Variants in ATP9A observed in about 807,000 individuals in gnomAD.
ATP9A encodes ATPase phospholipid transporting 9A, also known as probable phospholipid-transporting ATPase IIA.
ATP9A carries 52 observed loss-of-function variants against 144.1 expected under a neutral mutation model. The observed-to-expected ratio is 0.36, with a 90% CI of 0.29 to 0.45. ATP9A has a LOEUF of 0.45. Ranked by LOEUF, ATP9A falls within the 20% of genes least tolerant of loss-of-function variation. The pLI is 1.00. For missense variants in ATP9A, 947 were observed against 1,392.7 expected (o/e 0.68, Z 5.09); for synonymous variants, 582 against 557.4 (o/e 1.04, Z -0.62).
chr20:51,670,992 G>T, intron 12 of ATP9A, 123 bp downstream of exon 12: 1 of 1,067,984 alleles, frequency 9.4e-7, no homozygotes. Context: ...AAAAGATGAA[G>T]GGAATAAAAT....
In ATP9A at chr20:51,604,820, T is replaced by A. The variant is rs780108685; in HGVS notation, c.3004A>T (p.Ile1002Phe). The A allele has an allele frequency of 2.0e-6, 3 of 1,498,252 alleles. No individual in the cohort carries two copies. Among genetic ancestry groups the A allele is most frequent in the South Asian group, 1.4e-5 (1 of 73,950 alleles). 92.8% of individuals were successfully genotyped at this position (1,498,252 alleles called of 1,614,324 possible). A position where few individuals can be genotyped will look rare whatever the true frequency, so the allele number is the denominator to read the frequency against. Residue 1002 changes from isoleucine to phenylalanine, a missense_variant, in exon 27 of 28, where the codon ATC becomes TTC. Ile to Phe is a conservative substitution (Grantham distance 21). This residue lies in a region of ATP9A where 177 missense variants were observed against 344.9 expected (regional missense o/e 0.51). Coordinates refer to ENST00000338821, the MANE Select transcript of ATP9A (RefSeq NM_006045.3). ...TTTAAGCATTCAGGGGTCTTACCGATGAACTCGTGTAAGAACACCAGGGAG... is the reference window on the plus strand; with the variant it reads ...TTTAAGCATTCAGGGGTCTTACCGAAGAACTCGTGTAAGAACACCAGGGAG... ...IASLVFLHEF[I>F]DVYFIATLSF...
At chr20:51,670,214 A>G in intron 12 of ATP9A, 105 bp from the exon 13 acceptor site, 1 of 841,518 alleles carries the variant, frequency 1.2e-6, no homozygotes, top group South Asian at 1.5e-5. Context: ...TATGTCACAC[A>G]CTGCAGTCAG....
At chr20:51,683,430 GATTATTATTATT>G (rs141282258) in intron 9 of ATP9A, among the ~76,000 whole-genome samples, 2 of 150,722 alleles carry the variant, frequency 1.3e-5, no homozygotes, top group East Asian at 2.0e-4. Context: ...ACGCCCAGCT[GATTATTATTATT>G]ATTATTATTA....
At chr20:51,764,345 T>C (rs939668688) in intron 1 of ATP9A, among the ~76,000 whole-genome samples, 1 of 152,232 alleles carries the variant, frequency 6.6e-6, no homozygotes, top group Non-Finnish European at 1.5e-5. Flanking sequence ...CATGATGTCA[T>C]AAAATGGTTT....
At position 51,651,306 on chromosome 20, in the gene ATP9A, CATAAT is replaced by C. The variant is rs199664706; in HGVS notation, c.1506+5627_1506+5631del. 8.3e-5 allele frequency among the ~76,000 whole-genome samples: 10 copies of C among 120,314 alleles called. 2 individuals carry two copies. Among genetic ancestry groups the C allele is most frequent in the East Asian group, 6.1e-4 (3 of 4,898 alleles). The allele number at this position is 120,314 out of a possible 152,430, so 78.9% of individuals were successfully genotyped here. ...TAATATATTATATAATATATATTTA[CATAAT>C]ATATTATATAATATATATTTACATA... On this transcript the variant is annotated intron_variant, in intron 14 of 27. Coordinates refer to ENST00000338821, the MANE Select transcript of ATP9A (RefSeq NM_006045.3).
intron 14 of ATP9A, among the ~76,000 whole-genome samples, chr20:51,645,336 A>G (rs557721120): frequency 8.9e-4 from 135 of 152,256 alleles, no homozygotes; most frequent in Non-Finnish European, 1.5e-3. Flanking sequence ...CCTGGCCAAC[A>G]TGGTGAAACC....
At position 51,736,644 on chromosome 20, in the gene ATP9A, C is replaced by T. The variant is rs939258906; in HGVS notation, c.69-6666G>A. ...AGCTGGGATTACAGGCGGGAGCCACCGCGCCTGGCCCTCACATTGTAGTGA... is the reference window on the plus strand; with the variant it reads ...AGCTGGGATTACAGGCGGGAGCCACTGCGCCTGGCCCTCACATTGTAGTGA... On this transcript the variant is annotated intron_variant, in intron 1 of 27. Coordinates refer to ENST00000338821, the MANE Select transcript of ATP9A (RefSeq NM_006045.3). Among the ~76,000 whole-genome samples, 11 of 152,144 alleles carry T rather than the reference C, an allele frequency of 7.2e-5. No homozygotes were observed. In the East Asian group the frequency reaches 1.2e-3, roughly 16 times the overall value.
At chr20:51,680,225 TAAA>T (rs11478096) in intron 9 of ATP9A, among the ~76,000 whole-genome samples, 11 of 123,382 alleles carry the variant, frequency 8.9e-5, no homozygotes, top group Admixed American at 8.5e-5. Context: ...GAGACTGTCT[TAAA>T]AAAAAAAAAA....
At chr20:51,728,997 T>G (rs547369801) in intron 2 of ATP9A, among the ~76,000 whole-genome samples, 4 of 152,282 alleles carry the variant, frequency 2.6e-5, no homozygotes, top group African/African-American at 9.6e-5. Context: ...TGTCCACAGA[T>G]TTGTGTAAGT....
chr20:51,642,217 C>T (rs991584533), intron 14 of ATP9A, among the ~76,000 whole-genome samples: 7 of 151,924 alleles, frequency 4.6e-5, no homozygotes, highest in East Asian at 3.9e-4. Context: ...TGCAGTGGTG[C>T]GATCTCGGCT....
At chr20:51,761,051 C>T (rs1175432650) in intron 1 of ATP9A, among the ~76,000 whole-genome samples, 1 of 152,084 alleles carries the variant, frequency 6.6e-6, no homozygotes, top group Non-Finnish European at 1.5e-5. Context: ...AATGTAAGTC[C>T]TGAGAGTAAT....
At chr20:51,705,105 G>C (rs1282709121) in intron 4 of ATP9A, among the ~76,000 whole-genome samples, 1 of 152,082 alleles carries the variant, frequency 6.6e-6, no homozygotes, top group Admixed American at 6.6e-5. Context: ...AGTAGTACTT[G>C]GGTTTAGGAA....
chr20:51,758,242 A>G (rs189491836), intron 1 of ATP9A, among the ~76,000 whole-genome samples: 2 of 152,344 alleles, frequency 1.3e-5, no homozygotes, highest in East Asian at 3.9e-4. Flanking sequence ...GAGAAAACAG[A>G]TACTAGTTGT....
At chr20:51,673,278 G>T (rs1347299705) in intron 11 of ATP9A, among the ~76,000 whole-genome samples, 1 of 152,060 alleles carries the variant, frequency 6.6e-6, no homozygotes, top group Non-Finnish European at 1.5e-5. Context: ...GGAGGCTGAG[G>T]CAGGAGAATC....
intron 4 of ATP9A, among the ~76,000 whole-genome samples, chr20:51,703,887 T>C (rs1276091469): frequency 4.6e-5 from 7 of 151,762 alleles, no homozygotes; most frequent in Admixed American, 6.6e-5. Flanking sequence ...ACAATCTCCA[T>C]GCACTAACCC....
At chr20:51,603,987 A>G (rs150476188) in intron 27 of ATP9A, among the ~76,000 whole-genome samples, 2,170 of 151,850 alleles carry the variant, frequency 0.014, 53 homozygotes, top group African/African-American at 0.049. Context: ...CACCATGTTG[A>G]CCAGACCGGT....
intron 1 of ATP9A, among the ~76,000 whole-genome samples, chr20:51,754,273 A>G (rs962501762): frequency 1.3e-5 from 2 of 151,888 alleles, no homozygotes; most frequent in African/African-American, 4.8e-5. Flanking sequence ...AGGCCAAGGC[A>G]GGTGGATCAC....
intron 14 of ATP9A, among the ~76,000 whole-genome samples, chr20:51,653,601 C>T (rs567991320): frequency 5.9e-5 from 9 of 152,110 alleles, no homozygotes; most frequent in Admixed American, 1.3e-4. Flanking sequence ...GCCTGGCTAA[C>T]ATGGGGAAAA....
At position 51,661,254 on chromosome 20, in the gene ATP9A, T is replaced by C. The variant is rs542434669; in HGVS notation, c.1294-4104A>G. On this transcript the variant is annotated intron_variant, in intron 13 of 27. Transcript: ENST00000338821. ...AAAAGATTAATACAAAAATTAAACGTTGAGTCACCAGGAATGCCAGTTTTC... is the reference window on the plus strand; with the variant it reads ...AAAAGATTAATACAAAAATTAAACGCTGAGTCACCAGGAATGCCAGTTTTC... 7.2e-5 allele frequency among the ~76,000 whole-genome samples: 11 copies of C among 152,296 alleles called. 1 individual carries two copies. The highest frequency in any genetic ancestry group is 3.9e-4 in the Admixed American group (6 of 15,290).
Sources: gnomAD v4.1 joint callset for allele counts (sites outside exome capture counted in the v4.1 genomes callset) on GRCh38, gnomAD v4.1.1 for gene constraint, gnomAD v4.1.1 regional missense constraint, MANE v1.5 for transcripts, NCBI Gene and HGNC (gene_info 2026-07-23, HGNC 2026-07-21) for gene names.